GRIA4: variants seen among roughly 807,000 people sequenced by gnomAD.
The protein encoded by GRIA4 is glutamate receptor 4.
In GRIA4, 34 loss-of-function variants were observed where a neutral mutation model predicts 104.0. That is an observed-to-expected ratio of 0.33 (90% CI 0.25 to 0.44). GRIA4 has a LOEUF of 0.44. Ranked by LOEUF, GRIA4 falls within the 20% of genes least tolerant of loss-of-function variation. GRIA4 has a pLI of 1.00. For synonymous variants in GRIA4, 386 were observed against 381.9 expected (o/e 1.01, Z -0.13); for missense variants, 750 against 1,096.5 (o/e 0.68, Z 4.46).
intron 6 of GRIA4, among the ~76,000 whole-genome samples, chr11:105,891,886 T>C (rs1813003784): frequency 6.6e-6 from 1 of 152,170 alleles, no homozygotes; most frequent in Non-Finnish European, 1.5e-5. Flanking sequence ...AAAGAGTCCT[T>C]ATCCCTATTC....
chr11:105,703,637 AT>A, intron 3 of GRIA4, among the ~76,000 whole-genome samples: 1 of 152,258 alleles, frequency 6.6e-6, no homozygotes, highest in East Asian at 1.9e-4. Context: ...AAAATTATGG[AT>A]TTTTTTAAAT....
intron 5 of GRIA4, among the ~76,000 whole-genome samples, chr11:105,869,939 A>G (rs900335867): frequency 2.6e-5 from 4 of 152,096 alleles, no homozygotes; most frequent in Non-Finnish European, 5.9e-5. Flanking sequence ...TTTTACCAAA[A>G]TAATAATGAT....
intron 14 of GRIA4, among the ~76,000 whole-genome samples, chr11:105,947,137 G>C (rs550847812): frequency 6.6e-6 from 1 of 152,208 alleles, no homozygotes; most frequent in Admixed American, 6.5e-5. Flanking sequence ...TATTTATGTA[G>C]ATAAATATAT....
At chr11:105,797,374 G>C (rs1350232543) in intron 4 of GRIA4, among the ~76,000 whole-genome samples, 1 of 152,118 alleles carries the variant, frequency 6.6e-6, no homozygotes, top group Non-Finnish European at 1.5e-5. Context: ...GAATTGTGGT[G>C]TATGTGTAAC....
Position 105,924,442 on chromosome 11 carries a change from G to A in GRIA4, c.1520G>A (p.Arg507Gln), listed in dbSNP as rs1433253142. Residue 507 changes from arginine to glutamine, a missense_variant, in exon 12 of 17, where the codon CGA becomes CAA. Arg to Gln is a conservative substitution (Grantham distance 43). Coordinates refer to ENST00000282499, the MANE Select transcript of GRIA4 (RefSeq NM_000829.4). ...AIAPLTITLVREEVIDFSKPF... is the reference protein window; with the variant it reads ...AIAPLTITLVQEEVIDFSKPF... ...GCCCCTCTGACAATCACTTTGGTACGAGAGGAGGTCATTGACTTTTCTAAG... is the reference window on the plus strand; with the variant it reads ...GCCCCTCTGACAATCACTTTGGTACAAGAGGAGGTCATTGACTTTTCTAAG... The A allele has an allele frequency of 1.2e-6, 2 of 1,609,012 alleles. No homozygotes were observed. The highest frequency in any genetic ancestry group is 1.7e-6 in the Non-Finnish European group (2 of 1,176,092).
chr11:105,690,061 A>C (rs1351943639), intron 3 of GRIA4, among the ~76,000 whole-genome samples: 1 of 152,188 alleles, frequency 6.6e-6, no homozygotes, highest in African/African-American at 2.4e-5. Context: ...GCAGGATCCA[A>C]GAATCATTTG....
At chr11:105,953,277 G>C (rs1948501324) in intron 14 of GRIA4, among the ~76,000 whole-genome samples, 1 of 152,046 alleles carries the variant, frequency 6.6e-6, no homozygotes, top group East Asian at 1.9e-4. Context: ...GTGTTTTCTT[G>C]ATTAATAAAA....
At chr11:105,838,160 C>G (rs1944263485) in intron 4 of GRIA4, among the ~76,000 whole-genome samples, 1 of 152,094 alleles carries the variant, frequency 6.6e-6, no homozygotes, top group Admixed American at 6.6e-5. Flanking sequence ...ATAAAGTCAC[C>G]TAATCAAATA....
chr11:105,857,115 C>T (rs995537661), intron 4 of GRIA4, among the ~76,000 whole-genome samples: 1 of 152,084 alleles, frequency 6.6e-6, no homozygotes, highest in African/African-American at 2.4e-5. Flanking sequence ...CCTGGGAGTC[C>T]AGACTGTGGC....
At chr11:105,718,426 C>T (rs1490087592) in intron 3 of GRIA4, among the ~76,000 whole-genome samples, 1 of 152,188 alleles carries the variant, frequency 6.6e-6, no homozygotes, top group Non-Finnish European at 1.5e-5. Context: ...TCTCCTCCCA[C>T]CTCAGCTGTT....
intron 14 of GRIA4, among the ~76,000 whole-genome samples, chr11:105,948,376 T>G (rs1430095188): frequency 6.6e-6 from 1 of 152,128 alleles, no homozygotes; most frequent in African/African-American, 2.4e-5. Context: ...AAATTTATAG[T>G]CTTTGTATGT....
At chr11:105,714,889 G>T (rs1462883282) in intron 3 of GRIA4, among the ~76,000 whole-genome samples, 1 of 151,960 alleles carries the variant, frequency 6.6e-6, no homozygotes, top group Non-Finnish European at 1.5e-5. Context: ...AAAGGGTCTA[G>T]GTTAGGTTCA....
chr11:105,653,200 C>T (rs1373717777), intron 3 of GRIA4, among the ~76,000 whole-genome samples: 5 of 152,196 alleles, frequency 3.3e-5, no homozygotes, highest in Admixed American at 1.3e-4. Context: ...CGTCAGCCAC[C>T]GCACCCGGCC....
chr11:105,697,461 A>G (rs1279034164), intron 3 of GRIA4, among the ~76,000 whole-genome samples: 7 of 152,248 alleles, frequency 4.6e-5, no homozygotes, highest in Non-Finnish European at 2.9e-5. Context: ...GCAAAGGTGG[A>G]AGGACATGAC....
intron 11 of GRIA4, among the ~76,000 whole-genome samples, chr11:105,922,160 T>C (rs549537312): frequency 3.0e-4 from 46 of 152,202 alleles, no homozygotes; most frequent in Non-Finnish European, 5.6e-4. Flanking sequence ...GAATACTCAA[T>C]ATGGAAAAGT....
At chr11:105,884,062 A>G (rs1225580253) in intron 5 of GRIA4, among the ~76,000 whole-genome samples, 3 of 152,174 alleles carry the variant, frequency 2.0e-5, no homozygotes, top group African/African-American at 7.2e-5. Context: ...AAAGTCAGGA[A>G]GCACCGTTTC....
intron 3 of GRIA4, among the ~76,000 whole-genome samples, chr11:105,641,843 G>C (rs910390696): frequency 6.6e-6 from 1 of 152,170 alleles, no homozygotes; most frequent in Non-Finnish European, 1.5e-5. Flanking sequence ...AAGTACCACA[G>C]ACTGTGGCTT....
chr11:105,889,321 C>A (rs1363856277), intron 6 of GRIA4, among the ~76,000 whole-genome samples: 2 of 152,078 alleles, frequency 1.3e-5, no homozygotes, highest in Non-Finnish European at 2.9e-5. Flanking sequence ...GGGACTAGAA[C>A]CATCACTTTC....
chr11:105,963,273 AG>A (rs1455796675), intron 14 of GRIA4, among the ~76,000 whole-genome samples: 1 of 152,136 alleles, frequency 6.6e-6, no homozygotes. Context: ...AACATGTAGA[AG>A]TGATTCATTC....
Sources: allele counts gnomAD v4.1 joint callset (sites outside exome capture counted in the v4.1 genomes callset), GRCh38; gene constraint gnomAD v4.1.1; transcripts MANE v1.5; gene names NCBI Gene and HGNC (gene_info 2026-07-23, HGNC 2026-07-21).